The following TMEM25 variants were observed in gnomAD, a reference collection of about 807,000 sequenced individuals.
TMEM25 encodes transmembrane protein 25, also known as 0610039J01Rik.
A neutral mutation model predicts 37.0 loss-of-function variants in TMEM25; 36 were observed. That is an observed-to-expected ratio of 0.97 (90% CI 0.75 to 1.28). The LOEUF (loss-of-function observed/expected upper bound fraction) is 1.28. Ranked by LOEUF, TMEM25 falls within the 50% of genes most tolerant of loss-of-function variation. The pLI is 0.00. For synonymous variants in TMEM25, 197 were observed against 203.7 expected, an observed-to-expected ratio of 0.97 and a Z score of 0.28; for missense variants, 444 against 477.9, an observed-to-expected ratio of 0.93 and a Z score of 0.66.
chr11:118,535,401 G>T lies in TMEM25; in HGVS notation c.*821G>T. On this transcript the variant is annotated 3_prime_UTR_variant, in exon 9 of 9. Transcript: ENST00000313236. ...ACTTTAAGCACATCCCCTAGGGGAG[G>T]GGGTGAGTGAGGGGCCCAGAGCCCT... The T allele has an allele frequency of 7.0e-7, 1 of 1,432,878 alleles. No individual in the cohort carries two copies. Among genetic ancestry groups the T allele is most frequent in the Non-Finnish European group, 9.1e-7 (1 of 1,096,224 alleles). 88.8% of individuals were successfully genotyped at this position (1,432,878 alleles called of 1,614,324 possible). A position where few individuals can be genotyped will look rare whatever the true frequency, so the allele number is the denominator to read the frequency against.
chr11:118,542,650 C>T (rs1951593566), intron 8 of TMEM25, among the ~76,000 whole-genome samples: 2 of 151,906 alleles, frequency 1.3e-5, no homozygotes, highest in Non-Finnish European at 1.5e-5. Flanking sequence ...CAGTGGCTTA[C>T]TCCTATAATC....
intron 4 of TMEM25, 97 bp downstream of exon 4, chr11:118,533,304 G>A (rs1951383680): frequency 6.4e-7 from 1 of 1,568,976 alleles, no homozygotes; most frequent in Admixed American, 1.7e-5. Context: ...CTGTGGTTGG[G>A]TCTTGTGGAT....
In TMEM25 at chr11:118,534,748, T is replaced by C. The variant is rs782518937; in HGVS notation, c.*168T>C. 1 of 1,441,312 alleles carries C rather than the reference T, an allele frequency of 6.9e-7. No individual in the cohort carries two copies. Among genetic ancestry groups the C allele is most frequent in the Non-Finnish European group, 9.1e-7 (1 of 1,097,552 alleles). The allele number at this position is 1,441,312 out of a possible 1,614,324, so 89.3% of individuals were successfully genotyped here. On this transcript the variant is annotated 3_prime_UTR_variant, in exon 9 of 9. Transcript: ENST00000313236. This position sits in a 1 kb window ranked among gnomAD's most constrained non-coding sequence, Gnocchi z 4.6. ...ATGTCATGCACGTGATGCATTTCAC[T>C]GGGCTGTAACCCGCAGGGGCACAGG... is the stretch of plus-strand genomic sequence containing the variant.
intron 8 of TMEM25, among the ~76,000 whole-genome samples, chr11:118,541,862 ATCC>A (rs1404437774): frequency 2.0e-5 from 3 of 152,110 alleles, no homozygotes; most frequent in Non-Finnish European, 4.4e-5. Flanking sequence ...GGCTTAATCG[ATCC>A]TCCTACCTCA....
Position 118,534,115 on chromosome 11 carries a change from C to A in TMEM25, c.923C>A (p.Thr308Asn). ...LPSNLQLNDL[T>N]PDSRAVKPAD... ...TCCAACCTTCAGCTCAATGACCTCA[C>A]TCCAGATTCCAGAGGTATATCTAGG... is the stretch of plus-strand genomic sequence containing the variant. The change falls in exon 7 of 9, where the codon ACT becomes AAT. Residue 308 changes from threonine (T) to asparagine (N), a missense_variant. Physicochemically the swap from Thr to Asn is moderately conservative, Grantham distance 65. Coordinates refer to ENST00000313236, the MANE Select transcript of TMEM25 (RefSeq NM_032780.4). The surrounding 1 kb of genome is among the most constrained non-coding windows in gnomAD (Gnocchi z 4.6). 2 of 1,614,184 alleles carry A rather than the reference C, an allele frequency of 1.2e-6. No individual in the cohort carries two copies. Among genetic ancestry groups the A allele is most frequent in the Non-Finnish European group, 1.7e-6 (2 of 1,180,008 alleles).
At chr11:118,545,290 A>C in intron 8 of TMEM25, 1 of 823,660 alleles carries the variant, frequency 1.2e-6, no homozygotes. Flanking sequence ...GGAAAGGGCG[A>C]AGGTAACTGG....
chr11:118,542,403 T>C (rs2019674), intron 8 of TMEM25, among the ~76,000 whole-genome samples: 5,866 of 152,278 alleles, frequency 0.039, 361 homozygotes, highest in African/African-American at 0.13. Flanking sequence ...CTTCTTGATA[T>C]GGCCGCATTG....
intron 8 of TMEM25, among the ~76,000 whole-genome samples, chr11:118,543,116 G>A (rs535906168): frequency 1.3e-5 from 2 of 152,238 alleles, no homozygotes; most frequent in Non-Finnish European, 2.9e-5. Context: ...AGTGGTGCAT[G>A]CCTGTAATCC....
rs1591337842 is a variant in TMEM25, at chr11:118,532,999, G to A, written c.465G>A (p.Val155=). 5.0e-6 allele frequency: 8 copies of A among 1,614,244 alleles called. No individual in the cohort carries two copies. Among genetic ancestry groups the A allele is most frequent in the Non-Finnish European group, 6.8e-6 (8 of 1,180,046 alleles). ...PGLLVVLFAL[V]RANPPANVTW... is the part of the protein sequence containing the mutation. ...TCCTGGTTGTCCTGTTTGCCCTGGT[G>A]CGTGCCAACCCGCCGGCCAATGTCA... is the stretch of plus-strand genomic sequence containing the variant. The change falls in exon 4 of 9, where the codon GTG becomes GTA. Residue 155 remains valine, a synonymous_variant. Coordinates refer to ENST00000313236, the MANE Select transcript of TMEM25 (RefSeq NM_032780.4).
chr11:118,545,842 G>A (rs1460854127), intron 8 of TMEM25: 1 of 1,614,012 alleles, frequency 6.2e-7, no homozygotes, highest in Admixed American at 1.7e-5. Flanking sequence ...TCTCTGCCGT[G>A]GGCAGGCTTA....
intron 2 of TMEM25, 94 bp downstream of exon 2, chr11:118,531,965 C>T: frequency 6.9e-7 from 1 of 1,446,182 alleles, no homozygotes; most frequent in Non-Finnish European, 9.4e-7. Context: ...CCACTCCAGG[C>T]CCCAAGCCCT....
chr11:118,545,036 T>C (rs1555066713), intron 8 of TMEM25: 11 of 1,489,436 alleles, frequency 7.4e-6, no homozygotes, highest in East Asian at 2.3e-5. Context: ...AGAGGGAATA[T>C]TGAGTATTAG....
In TMEM25 at chr11:118,535,649, G is replaced by C. The variant is rs1555063022; in HGVS notation, c.*1069G>C. 7 of 1,518,676 alleles carry C rather than the reference G, an allele frequency of 4.6e-6. No homozygotes were observed. In the East Asian group the frequency reaches 1.7e-4, roughly 38 times the overall value. The allele number at this position is 1,518,676 out of a possible 1,614,324, so 94.1% of individuals were successfully genotyped here. Reference sequence around the variant, plus strand: ...CTTTAGGGGAACATGGAGAAAGAAGGAGACCACATACCCCAAAGTGACCTA... The same window carrying C: ...CTTTAGGGGAACATGGAGAAAGAAGCAGACCACATACCCCAAAGTGACCTA... On this transcript the variant is annotated 3_prime_UTR_variant, in exon 9 of 9. Transcript: ENST00000313236.
chr11:118,546,697 A>AT (rs1180435426), downstream of TMEM25: 4 of 153,786 alleles, frequency 2.6e-5, no homozygotes, highest in Non-Finnish European at 5.8e-5. Flanking sequence ...CATATGTTTT[A>AT]TAGGTAAAAT....
At chr11:118,545,360 T>G in intron 8 of TMEM25, 1 of 1,330,874 alleles carries the variant, frequency 7.5e-7, no homozygotes. Flanking sequence ...CAGTAGAAAC[T>G]ATAGTGATCC....
chr11:118,538,763 T>C (rs1417173269), downstream of TMEM25, among the ~76,000 whole-genome samples: 1 of 151,798 alleles, frequency 6.6e-6, no homozygotes, highest in Non-Finnish European at 1.5e-5. Flanking sequence ...CATGGTGGCA[T>C]GTAGCTGCAA....
rs1951309446 is a variant in TMEM25 at position 118,532,138 on chromosome 11, G to T, written c.71-12G>T. The T allele has an allele frequency of 1.3e-6, 2 of 1,544,564 alleles. No individual in the cohort carries two copies. Among genetic ancestry groups the T allele is most frequent in the Non-Finnish European group, 8.7e-7 (1 of 1,143,770 alleles). ...CCTGAGCCCTTCCCAGAGGCCTCCTGCTGTGTTCCAGGTTGGGGGGAGTTG... is the reference window on the plus strand; with the variant it reads ...CCTGAGCCCTTCCCAGAGGCCTCCTTCTGTGTTCCAGGTTGGGGGGAGTTG... On this transcript the variant is annotated splice_polypyrimidine_tract_variant and intron_variant, in intron 2 of 8. Coordinates refer to ENST00000313236, the MANE Select transcript of TMEM25 (RefSeq NM_032780.4).
chr11:118,535,036 T>TC lies in TMEM25; in HGVS notation c.*456_*457insC. ...TTCCTCCTTCCTATGCTATGTAGCC[T>TC]TGTTCCCTCAGGTAAAATTTAGGAC... On this transcript the variant is annotated 3_prime_UTR_variant, in exon 9 of 9. Coordinates refer to ENST00000313236, the MANE Select transcript of TMEM25 (RefSeq NM_032780.4). 1 of 1,029,682 alleles carries TC rather than the reference T, an allele frequency of 9.7e-7. No homozygotes were observed. Among genetic ancestry groups the TC allele is most frequent in the Non-Finnish European group, 1.2e-6 (1 of 857,668 alleles). 63.8% of individuals were successfully genotyped at this position (1,029,682 alleles called of 1,614,324 possible).
chr11:118,534,782 G>A lies in TMEM25; in HGVS notation c.*202G>A, dbSNP rs1402321534. The A allele has an allele frequency of 5.7e-6, 8 of 1,412,204 alleles. No individual in the cohort carries two copies. The highest frequency in any genetic ancestry group is 7.4e-6 in the Non-Finnish European group (8 of 1,083,862). 87.5% of individuals were successfully genotyped at this position (1,412,204 alleles called of 1,614,324 possible). On this transcript the variant is annotated 3_prime_UTR_variant, in exon 9 of 9. Coordinates refer to ENST00000313236, the MANE Select transcript of TMEM25 (RefSeq NM_032780.4). The surrounding 1 kb of genome is among the most constrained non-coding windows in gnomAD (Gnocchi z 4.6). Reference sequence around the variant, plus strand: ...ACCCGCAGGGGCACAGGTATCTTTGGCAAGGCTACCAGTTGGACGTAAGCC... The same window carrying A: ...ACCCGCAGGGGCACAGGTATCTTTGACAAGGCTACCAGTTGGACGTAAGCC...
Sources: gnomAD v4.1 joint callset for allele counts (sites outside exome capture counted in the v4.1 genomes callset) on GRCh38, gnomAD v4.1.1 for gene constraint, Gnocchi (gnomAD v3.1) non-coding constraint, MANE v1.5 for transcripts, NCBI Gene and HGNC (gene_info 2026-07-23, HGNC 2026-07-21) for gene names.